SIRPA: variants seen among roughly 807,000 people sequenced by gnomAD.
SIRPA encodes tyrosine-protein phosphatase non-receptor type substrate 1.
A neutral mutation model predicts 50.3 loss-of-function variants in SIRPA; 9 were observed. The ratio of observed to expected loss-of-function variants is 0.18; its 90% confidence interval spans 0.11 to 0.31. SIRPA has a LOEUF of 0.31. Among genes scored for constraint, SIRPA ranks in the 10% least tolerant of loss-of-function variants. The probability of loss-of-function intolerance (pLI) is 1.00; values close to 1 mark genes in which losing one functional copy is unlikely to be tolerated. For missense variants in SIRPA, 474 were observed against 661.6 expected, an observed-to-expected ratio of 0.72 and a Z score of 3.11; for synonymous variants, 265 against 284.1, an observed-to-expected ratio of 0.93 and a Z score of 0.68.
rs915894579 is a variant in SIRPA at position 1,933,641 on chromosome 20, G to T, written c.1227-1074G>T. Reference sequence around the variant, plus strand: ...CCTGGAGGGTTCTTTCTGTGGCCACGTGGGGCTTGTCATGTCTCAGAACTG... The same window carrying T: ...CCTGGAGGGTTCTTTCTGTGGCCACTTGGGGCTTGTCATGTCTCAGAACTG... On this transcript the variant is annotated intron_variant, in intron 6 of 7. Transcript: ENST00000358771. The surrounding 1 kb of genome is among the most constrained non-coding windows in gnomAD (Gnocchi z 4.4). Among the ~76,000 whole-genome samples, 7 of 152,168 alleles carry T rather than the reference G, an allele frequency of 4.6e-5. No homozygotes were observed. Among genetic ancestry groups the T allele is most frequent in the African/African-American group, 1.7e-4 (7 of 41,426 alleles).
chr20:1,900,570 G>T (rs1984128889), intron 1 of SIRPA, among the ~76,000 whole-genome samples: 1 of 152,226 alleles, frequency 6.6e-6, no homozygotes, highest in African/African-American at 2.4e-5. Context: ...GCAGTAGGGG[G>T]CCTGAGAGAG....
At chr20:1,931,815 A>G (rs896741263) in intron 6 of SIRPA, among the ~76,000 whole-genome samples, 1 of 152,230 alleles carries the variant, frequency 6.6e-6, no homozygotes, top group African/African-American at 2.4e-5. Flanking sequence ...TCCCCAGCTC[A>G]GATGAGAGAA....
chr20:1,922,185 G>T (rs1985700008), intron 3 of SIRPA, 128 bp from the exon 4 acceptor site: 2 of 1,108,760 alleles, frequency 1.8e-6, no homozygotes, highest in Admixed American at 4.5e-5. Context: ...CTCAATGTCT[G>T]AGCACCTGAT....
rs79716283 is a variant in SIRPA at position 1,928,168 on chromosome 20, G to A, written c.1226+269G>A. Among the ~76,000 whole-genome samples the A allele has an allele frequency of 5.1e-3, 771 of 152,322 alleles. 22 individuals are homozygous for A. The East Asian group carries it at 0.099, about 20-fold the overall frequency. On this transcript the variant is annotated intron_variant, in intron 6 of 7. Transcript: ENST00000358771. The surrounding 1 kb of genome is among the most constrained non-coding windows in gnomAD (Gnocchi z 4.9). Reference sequence around the variant, plus strand: ...CTTGTCTAATCCCATGTGGACTGGGGCAGAGACCTCCCGGGCTTTCTGTCC... The same window carrying A: ...CTTGTCTAATCCCATGTGGACTGGGACAGAGACCTCCCGGGCTTTCTGTCC...
In SIRPA at chr20:1,932,470, C is replaced by G. The variant is rs902385668; in HGVS notation, c.1227-2245C>G. The stretch of plus-strand genomic sequence containing the variant: ...GGAGCAGTCAGATGCATGCACAGAA[C>G]GCAGAGGAGGCCAGAGGAGCTGGAG... On this transcript the variant is annotated intron_variant, in intron 6 of 7. Coordinates refer to ENST00000358771, the MANE Select transcript of SIRPA (RefSeq NM_001040023.2). This position sits in a 1 kb window ranked among gnomAD's most constrained non-coding sequence, Gnocchi z 6.0. 6.6e-6 allele frequency among the ~76,000 whole-genome samples: 1 copy of G among 152,166 alleles called. No individual in the cohort carries two copies. The highest frequency in any genetic ancestry group is 6.5e-5 in the Admixed American group (1 of 15,272).
chr20:1,899,075 G>C (rs996611295), intron 1 of SIRPA, among the ~76,000 whole-genome samples: 6 of 152,008 alleles, frequency 3.9e-5, no homozygotes, highest in African/African-American at 1.5e-4. Context: ...CTTATTTGTA[G>C]TCTTGGACTG....
chr20:1,910,001 G>A (rs1984792861), intron 1 of SIRPA, among the ~76,000 whole-genome samples: 1 of 152,196 alleles, frequency 6.6e-6, no homozygotes, highest in Non-Finnish European at 1.5e-5. Flanking sequence ...AGAAGAGAAA[G>A]GAGATGTGGC....
Position 1,937,598 on chromosome 20 carries a change from C to A in SIRPA, c.*30C>A. 1 of 1,605,264 alleles carries A rather than the reference C, an allele frequency of 6.2e-7. No homozygotes were observed. Among genetic ancestry groups the A allele is most frequent in the Non-Finnish European group, 8.5e-7 (1 of 1,173,790 alleles). On this transcript the variant is annotated 3_prime_UTR_variant, in exon 8 of 8. Transcript: ENST00000358771. This position sits in a 1 kb window ranked among gnomAD's most constrained non-coding sequence, Gnocchi z 8.3. ...GACCGTGGTTTGCTCTAGCACCCAT[C>A]TCTACGCGCTTTCTTGTCCCACAGG... is the stretch of plus-strand genomic sequence containing the variant.
In SIRPA at chr20:1,922,148, T is replaced by C. The variant is rs1475310880; in HGVS notation, c.755-165T>C. Reference sequence around the variant, plus strand: ...ACTGTGTGCTGGGCGTTGTGCTTAGTAATTTCATTCATATGCAAAGAGCAC... The same window carrying C: ...ACTGTGTGCTGGGCGTTGTGCTTAGCAATTTCATTCATATGCAAAGAGCAC... On this transcript the variant is annotated intron_variant, in intron 3 of 7. Transcript: ENST00000358771. 3.9e-5 allele frequency among the ~76,000 whole-genome samples: 6 copies of C among 152,360 alleles called. No individual in the cohort carries two copies. In the East Asian group the frequency reaches 1.2e-3, roughly 29 times the overall value.
At chr20:1,926,233 A>G (rs1312377980) in intron 5 of SIRPA, among the ~76,000 whole-genome samples, 1 of 152,252 alleles carries the variant, frequency 6.6e-6, no homozygotes, top group African/African-American at 2.4e-5. Context: ...CGTCCCACCA[A>G]GACGTCTACC....
At chr20:1,908,099 C>T (rs118091639) in intron 1 of SIRPA, among the ~76,000 whole-genome samples, 219 of 152,240 alleles carry the variant, frequency 1.4e-3, no homozygotes, top group Middle Eastern at 3.4e-3. Flanking sequence ...GGGTGTTGAC[C>T]GCCAGGAGCC....
chr20:1,938,268 G>C lies in SIRPA; in HGVS notation c.*700G>C, dbSNP rs1410149831. The stretch of plus-strand genomic sequence containing the variant: ...CTCCAAGACTCCCTGGGGCCCAACT[G>C]TGTTGCTCCACCCGGACCCATCTCT... On this transcript the variant is annotated 3_prime_UTR_variant, in exon 8 of 8. Transcript: ENST00000358771. 1 of 152,832 alleles carries C rather than the reference G, an allele frequency of 6.5e-6. No individual in the cohort carries two copies. The highest frequency in any genetic ancestry group is 2.4e-5 in the African/African-American group (1 of 41,422). The allele number at this position is 152,832 out of a possible 1,614,324, so 9.5% of individuals were successfully genotyped here.
chr20:1,901,511 G>T (rs1984210055), intron 1 of SIRPA, among the ~76,000 whole-genome samples: 1 of 152,126 alleles, frequency 6.6e-6, no homozygotes, highest in Non-Finnish European at 1.5e-5. Flanking sequence ...TATGAGGTGG[G>T]GGCAGTGTGT....
In SIRPA at chr20:1,915,106, G is replaced by A. The variant is rs144655040; in HGVS notation, c.87G>A (p.Ala29=). 972 of 1,596,056 alleles carry A rather than the reference G, an allele frequency of 6.1e-4. No homozygotes were observed. The highest frequency in any genetic ancestry group is 7.2e-4 in the African/African-American group (54 of 74,810). Residue 29 remains alanine (A), a synonymous_variant, in exon 2 of 8, where the codon GCG becomes GCA. Coordinates refer to ENST00000358771, the MANE Select transcript of SIRPA (RefSeq NM_001040023.2). ...LAASCAWSGV[A]GEEELQVIQP... is the part of the protein sequence containing the mutation. ...CTTTGTGCTCCTTTCCAGGAGTGGC[G>A]GGTGAGGAGGAGCTGCAGGTGATTC...
In SIRPA at chr20:1,927,075, C is replaced by T. The variant is rs1600447461; in HGVS notation, c.1202-800C>T. On this transcript the variant is annotated intron_variant, in intron 5 of 7. Coordinates refer to ENST00000358771, the MANE Select transcript of SIRPA (RefSeq NM_001040023.2). The surrounding 1 kb of genome is among the most constrained non-coding windows in gnomAD (Gnocchi z 6.5). ...TGCTGAGCACAGCTTCCAACTGGTACACCTCATCTAAAGATCCAGGACCTG... is the reference window on the plus strand; with the variant it reads ...TGCTGAGCACAGCTTCCAACTGGTATACCTCATCTAAAGATCCAGGACCTG... Among the ~76,000 whole-genome samples the T allele has an allele frequency of 6.6e-6, 1 of 152,374 alleles. No homozygotes were observed. The highest frequency in any genetic ancestry group is 1.9e-4 in the East Asian group (1 of 5,186).
At chr20:1,903,029 A>G (rs866810581) in intron 1 of SIRPA, among the ~76,000 whole-genome samples, 39 of 82,086 alleles carry the variant, frequency 4.8e-4, no homozygotes, top group Non-Finnish European at 7.1e-4. Flanking sequence ...AAAAAAAAAA[A>G]AAAGAAAAGA....
rs1568514194 is a variant in SIRPA at position 1,932,973 on chromosome 20, A to T, written c.1227-1742A>T. ...TCTGAAATTGCTTTGAAAGAGAAGA[A>T]CCCAATGTTTTGAGAATGGAGTTTG... On this transcript the variant is annotated intron_variant, in intron 6 of 7. Coordinates refer to ENST00000358771, the MANE Select transcript of SIRPA (RefSeq NM_001040023.2). This position sits in a 1 kb window ranked among gnomAD's most constrained non-coding sequence, Gnocchi z 6.0. Among the ~76,000 whole-genome samples, 1 of 152,128 alleles carries T rather than the reference A, an allele frequency of 6.6e-6. No homozygotes were observed. Among genetic ancestry groups the T allele is most frequent in the Non-Finnish European group, 1.5e-5 (1 of 68,022 alleles).
intron 1 of SIRPA, among the ~76,000 whole-genome samples, chr20:1,907,941 G>A (rs528203972): frequency 1.3e-5 from 2 of 152,296 alleles, no homozygotes; most frequent in South Asian, 4.1e-4. Context: ...GCTACCTTTC[G>A]CCTTCCTGCA....
In SIRPA at chr20:1,934,310, A is replaced by C. The variant is rs184592132; in HGVS notation, c.1227-405A>C. Among the ~76,000 whole-genome samples the C allele has an allele frequency of 1.4e-3, 212 of 151,892 alleles. 1 individual carries two copies. The highest frequency in any genetic ancestry group is 7.5e-3 in the South Asian group (36 of 4,818). ...CTTTTTCTATATTTTGAATTCCCCCAAAAAAAAGTGCAATTATGAGTCAAA... is the reference window on the plus strand; with the variant it reads ...CTTTTTCTATATTTTGAATTCCCCCCAAAAAAAGTGCAATTATGAGTCAAA... On this transcript the variant is annotated intron_variant, in intron 6 of 7. Coordinates refer to ENST00000358771, the MANE Select transcript of SIRPA (RefSeq NM_001040023.2). The surrounding 1 kb of genome is among the most constrained non-coding windows in gnomAD (Gnocchi z 4.6).
Sources: allele counts gnomAD v4.1 joint callset (sites outside exome capture counted in the v4.1 genomes callset), GRCh38; gene constraint gnomAD v4.1.1; non-coding constraint Gnocchi (gnomAD v3.1); transcripts MANE v1.5; gene names NCBI Gene and HGNC (gene_info 2026-07-23, HGNC 2026-07-21).